HYDIN: variants seen among roughly 807,000 people sequenced by gnomAD.
The protein encoded by HYDIN is axonemal central pair apparatus protein HYDIN.
A neutral mutation model predicts 403.9 loss-of-function variants in HYDIN; 132 were observed. The ratio of observed to expected loss-of-function variants is 0.33; its 90% CI spans 0.28 to 0.38. HYDIN has a LOEUF of 0.38. Among genes scored for constraint, HYDIN ranks in the 10% least tolerant of loss-of-function variants. The pLI is 1.00. For synonymous variants in HYDIN, 1,202 were observed against 1,891.7 expected, an observed-to-expected ratio of 0.64 and a Z score of 9.46; for missense variants, 2,827 against 5,009.5, an observed-to-expected ratio of 0.56 and a Z score of 13.15.
chr16:70,911,707 G>A (rs1417262862), intron 47 of HYDIN, among the ~76,000 whole-genome samples: 2 of 152,102 alleles, frequency 1.3e-5, no homozygotes, highest in Admixed American at 6.5e-5. Context: ...TGGCAGTATG[G>A]TCATTTTCAC....
At position 70,864,129 on chromosome 16, in the gene HYDIN, G is replaced by A. The variant is rs368272234; in HGVS notation, c.11472-947C>T. 7.4e-4 allele frequency among the ~76,000 whole-genome samples: 112 copies of A among 151,986 alleles called. No individual in the cohort carries two copies. The East Asian group carries it at 0.015, about 21-fold the overall frequency. On this transcript the variant is annotated intron_variant, in intron 67 of 85. Coordinates refer to ENST00000393567, the MANE Select transcript of HYDIN (RefSeq NM_001270974.2). Reference sequence around the variant, plus strand: ...GTGGATCACCTGAGGTCAGGAGTTCGAGACCAGCTTGGCCAACATAGTGAA... The same window carrying A: ...GTGGATCACCTGAGGTCAGGAGTTCAAGACCAGCTTGGCCAACATAGTGAA...
chr16:70,919,537 C>T (rs2076935556), intron 46 of HYDIN, among the ~76,000 whole-genome samples: 1 of 152,098 alleles, frequency 6.6e-6, no homozygotes, highest in Admixed American at 6.5e-5. Context: ...TCATCCCTGA[C>T]CTGCCACATA....
At chr16:71,173,010 A>C (rs1012948111) in intron 5 of HYDIN, among the ~76,000 whole-genome samples, 8 of 152,208 alleles carry the variant, frequency 5.3e-5, no homozygotes, top group African/African-American at 1.9e-4. Flanking sequence ...CCCTGGGGAA[A>C]TGATGTCTCT....
intron 73 of HYDIN, among the ~76,000 whole-genome samples, chr16:70,854,103 C>T (rs1432286722): frequency 6.6e-6 from 1 of 151,788 alleles, no homozygotes; most frequent in Admixed American, 6.6e-5. Context: ...TAGTCTCGAA[C>T]TCCTGACCTC....
At chr16:70,922,152 G>C (rs1048117949) in intron 45 of HYDIN, among the ~76,000 whole-genome samples, 1 of 152,120 alleles carries the variant, frequency 6.6e-6, no homozygotes, top group South Asian at 2.1e-4. Context: ...CCCTCATCTT[G>C]CTGCCCTTCC....
chr16:70,882,619 T>C lies in HYDIN; in HGVS notation c.10215+41A>G, dbSNP rs371707823. Reference sequence around the variant, plus strand: ...GCTGAGAGCCCTTTTTCCAGCTTTATGTGAACCACGCTGGGCCAGGGGCCA... The same window carrying C: ...GCTGAGAGCCCTTTTTCCAGCTTTACGTGAACCACGCTGGGCCAGGGGCCA... On this transcript the variant is annotated intron_variant, in intron 60 of 85. Coordinates refer to ENST00000393567, the MANE Select transcript of HYDIN (RefSeq NM_001270974.2). 6.6e-5 allele frequency: 100 copies of C among 1,506,194 alleles called. No homozygotes were observed. The African/African-American group carries it at 1.2e-3, about 19-fold the overall frequency. The allele number at this position is 1,506,194 out of a possible 1,614,324, so 93.3% of individuals were successfully genotyped here.
chr16:71,223,250 T>G (rs545856188), intron 1 of HYDIN, among the ~76,000 whole-genome samples: 41 of 152,292 alleles, frequency 2.7e-4, no homozygotes, highest in Admixed American at 1.6e-3. Flanking sequence ...ATAATGGTGC[T>G]GGGAAAACTG....
chr16:71,126,472 C>T (rs371675927), intron 9 of HYDIN, among the ~76,000 whole-genome samples: 48 of 152,218 alleles, frequency 3.2e-4, no homozygotes, highest in Admixed American at 1.6e-3. Flanking sequence ...CATTGGTGCA[C>T]GCAGCCAGGT....
At chr16:71,179,818 G>C (rs1003703754) in intron 3 of HYDIN, among the ~76,000 whole-genome samples, 5 of 152,184 alleles carry the variant, frequency 3.3e-5, no homozygotes, top group Non-Finnish European at 1.5e-5. Flanking sequence ...ATTACCCCAA[G>C]CTAGTAGCCT....
intron 47 of HYDIN, among the ~76,000 whole-genome samples, chr16:70,914,116 T>C (rs1168243949): frequency 6.6e-6 from 1 of 152,112 alleles, no homozygotes; most frequent in Non-Finnish European, 1.5e-5. Flanking sequence ...GGCATTTACA[T>C]TCAATGTTAG....
At chr16:71,093,982 C>T (rs778706226) in intron 10 of HYDIN, 47 bp from the exon 11 acceptor site, 2 of 1,590,646 alleles carry the variant, frequency 1.3e-6, no homozygotes, top group African/African-American at 2.7e-5. Flanking sequence ...GCTTCATTTA[C>T]CCCAAATCAT....
intron 18 of HYDIN, among the ~76,000 whole-genome samples, chr16:71,035,651 A>C (rs1177914359): frequency 6.6e-6 from 1 of 151,398 alleles, no homozygotes; most frequent in Admixed American, 6.6e-5. Context: ...AGATAAGTTT[A>C]TGGTAGCTGT....
At chr16:70,976,516 C>CCA (rs1188410038) in intron 30 of HYDIN, among the ~76,000 whole-genome samples, 3 of 150,906 alleles carry the variant, frequency 2.0e-5, no homozygotes, top group Admixed American at 1.3e-4. Context: ...CAGAACTACA[C>CCA]CACACACATA....
At position 71,067,597 on chromosome 16, in the gene HYDIN, T is replaced by TGTTA. The variant is rs547224764; in HGVS notation, c.1975-211_1975-208dup. Reference sequence around the variant, plus strand: ...AAGGCCAGGGTAGAAACCAAATGGCTGTTAGTACAATGGCTTTGCTCATTT... The same window carrying TGTTA: ...AAGGCCAGGGTAGAAACCAAATGGCTGTTAGTTAGTACAATGGCTTTGCTCATTT... On this transcript the variant is annotated intron_variant, in intron 14 of 85. Coordinates refer to ENST00000393567, the MANE Select transcript of HYDIN (RefSeq NM_001270974.2). Among the ~76,000 whole-genome samples the TGTTA allele has an allele frequency of 2.5e-4, 37 of 150,926 alleles. No individual in the cohort carries two copies. In the South Asian group the frequency reaches 7.6e-3, roughly 31 times the overall value.
At chr16:70,881,346 T>C (rs2040789279) in intron 60 of HYDIN, among the ~76,000 whole-genome samples, 1 of 143,522 alleles carries the variant, frequency 7.0e-6, no homozygotes, top group Non-Finnish European at 1.5e-5. Context: ...CGGTGGCTCA[T>C]GCCCGTAATC....
At chr16:71,187,810 G>T (rs755205743) in intron 1 of HYDIN, among the ~76,000 whole-genome samples, 2 of 151,960 alleles carry the variant, frequency 1.3e-5, no homozygotes, top group African/African-American at 4.8e-5. Flanking sequence ...AAATGAATAT[G>T]AAATTTTAAA....
chr16:71,221,168 T>C (rs1176064204), intron 1 of HYDIN, among the ~76,000 whole-genome samples: 1 of 151,960 alleles, frequency 6.6e-6, no homozygotes, highest in Non-Finnish European at 1.5e-5. Flanking sequence ...CTTTCAACGT[T>C]TGGGTCAAAA....
In HYDIN at chr16:70,961,907, C is replaced by T. The variant is rs965068687; in HGVS notation, c.5968+52G>A. The T allele has an allele frequency of 1.7e-5, 17 of 1,006,700 alleles. No individual in the cohort carries two copies. In the African/African-American group the frequency reaches 3.3e-4, roughly 20 times the overall value. The allele number at this position is 1,006,700 out of a possible 1,614,324, so 62.4% of individuals were successfully genotyped here. ...GTGACAAGGTACTGAATATTGTCTT[C>T]CTATTTCTGCTTGGAGAGAACTAGT... On this transcript the variant is annotated intron_variant, in intron 38 of 85. Coordinates refer to ENST00000393567, the MANE Select transcript of HYDIN (RefSeq NM_001270974.2).
chr16:70,913,145 C>G (rs895267433), intron 47 of HYDIN, among the ~76,000 whole-genome samples: 2 of 149,894 alleles, frequency 1.3e-5, no homozygotes, highest in African/African-American at 4.9e-5. Flanking sequence ...TAGTTCTGCT[C>G]TGACCTTGGT....
Sources: allele counts gnomAD v4.1 joint callset (sites outside exome capture counted in the v4.1 genomes callset), GRCh38; gene constraint gnomAD v4.1.1; transcripts MANE v1.5; gene names NCBI Gene and HGNC (gene_info 2026-07-23, HGNC 2026-07-21).